The following R3HDM2 variants were observed in gnomAD, a reference collection of about 807,000 sequenced individuals.
R3HDM2 encodes R3H domain-containing protein 2.
R3HDM2 carries 38 observed loss-of-function variants against 124.5 expected under a neutral mutation model. The observed-to-expected ratio is 0.31, with a 90% CI of 0.24 to 0.40. The LOEUF is 0.40. Among genes scored for constraint, R3HDM2 ranks in the 10% least tolerant of loss-of-function variants. The probability of loss-of-function intolerance (pLI) is 1.00; values close to 1 mark genes in which losing one functional copy is unlikely to be tolerated. For synonymous variants in R3HDM2, 391 were observed against 448.0 expected, an observed-to-expected ratio of 0.87 and a Z score of 1.61; for missense variants, 869 against 1,236.9, an observed-to-expected ratio of 0.70 and a Z score of 4.46.
At position 57,269,453 on chromosome 12, in the gene R3HDM2, T is replaced by C. The variant is rs779611640; in HGVS notation, c.1588-4A>G. On this transcript the variant is annotated splice_polypyrimidine_tract_variant and splice_region_variant and intron_variant, in intron 15 of 23. Coordinates refer to ENST00000402412, the MANE Select transcript of R3HDM2 (RefSeq NM_001394031.1). The stretch of plus-strand genomic sequence containing the variant: ...GGGGATAGTAAGAAACCTGGATCTA[T>C]GGTGAGAGGAGACAGATGTGTGAGA... 2 of 1,613,890 alleles carry C rather than the reference T, an allele frequency of 1.2e-6. No homozygotes were observed. Among genetic ancestry groups the C allele is most frequent in the Non-Finnish European group, 1.7e-6 (2 of 1,179,930 alleles).
chr12:57,318,015 C>T (rs1490191919), intron 2 of R3HDM2, among the ~76,000 whole-genome samples: 1 of 146,952 alleles, frequency 6.8e-6, no homozygotes, highest in Admixed American at 6.8e-5. Context: ...AATGGCTGGG[C>T]GAGGTGGCTC....
At chr12:57,315,614 A>G (rs1376478733) in intron 2 of R3HDM2, among the ~76,000 whole-genome samples, 3 of 152,240 alleles carry the variant, frequency 2.0e-5, no homozygotes, top group Non-Finnish European at 4.4e-5. Flanking sequence ...ACCTGGAATA[A>G]TATCAGTGTC....
At chr12:57,345,593 G>T (rs898362837) in intron 2 of R3HDM2, among the ~76,000 whole-genome samples, 2 of 151,780 alleles carry the variant, frequency 1.3e-5, no homozygotes, top group African/African-American at 4.8e-5. Flanking sequence ...GAGTGCAGTG[G>T]CAGGATTGCA....
At position 57,254,391 on chromosome 12, in the gene R3HDM2, C is replaced by T. The variant is rs1424222749; in HGVS notation, c.*382G>A. The T allele has an allele frequency of 1.3e-5, 5 of 375,000 alleles. No individual in the cohort carries two copies. Among genetic ancestry groups the T allele is most frequent in the African/African-American group, 8.8e-5 (4 of 45,312 alleles). The allele number at this position is 375,000 out of a possible 1,614,324, so 23.2% of individuals were successfully genotyped here. A position where few individuals can be genotyped will look rare whatever the true frequency, so the allele number is the denominator to read the frequency against. Reference sequence around the variant, plus strand: ...TGGCGCGTGTCTGTAGTGCCAGCTACTTGGGAGGCTGAGGCAGGAGAATCA... The same window carrying T: ...TGGCGCGTGTCTGTAGTGCCAGCTATTTGGGAGGCTGAGGCAGGAGAATCA... On this transcript the variant is annotated 3_prime_UTR_variant, in exon 24 of 24. Coordinates refer to ENST00000402412, the MANE Select transcript of R3HDM2 (RefSeq NM_001394031.1).
intron 2 of R3HDM2, among the ~76,000 whole-genome samples, chr12:57,382,829 C>A (rs2065101890): frequency 6.6e-6 from 1 of 151,530 alleles, no homozygotes. Flanking sequence ...GAGAGAGACT[C>A]CATCTCAAAA....
chr12:57,344,006 A>T (rs565103587), intron 2 of R3HDM2, among the ~76,000 whole-genome samples: 1 of 152,188 alleles, frequency 6.6e-6, no homozygotes. Flanking sequence ...ACATAAAAAG[A>T]ATTTGCAAAA....
chr12:57,304,668 G>T, intron 3 of R3HDM2: 1 of 265,832 alleles, frequency 3.8e-6, no homozygotes, highest in Non-Finnish European at 5.8e-6. Context: ...AGCAGTATTT[G>T]TCACTACTTT....
intron 2 of R3HDM2, among the ~76,000 whole-genome samples, chr12:57,371,489 TAAG>T (rs1453470871): frequency 1.3e-5 from 2 of 152,082 alleles, no homozygotes; most frequent in East Asian, 3.8e-4. Context: ...TGTAGTAAGA[TAAG>T]AAGACAGGCA....
At chr12:57,381,643 TAAAC>T (rs2064897171) in intron 2 of R3HDM2, among the ~76,000 whole-genome samples, 1 of 151,856 alleles carries the variant, frequency 6.6e-6, no homozygotes, top group African/African-American at 2.4e-5. Context: ...ATTCTAGAAT[TAAAC>T]AATATAACTT....
In R3HDM2 at chr12:57,408,740, T is replaced by C. The variant is rs1434900625; in HGVS notation, c.-105-12922A>G. On this transcript the variant is annotated intron_variant, in intron 1 of 23. Transcript: ENST00000402412. Reference sequence around the variant, plus strand: ...ATAAAAGAGCAAATCTCAAAAAATATATATATATTTGAAATATGATGATCC... The same window carrying C: ...ATAAAAGAGCAAATCTCAAAAAATACATATATATTTGAAATATGATGATCC... Among the ~76,000 whole-genome samples, 10 of 152,142 alleles carry C rather than the reference T, an allele frequency of 6.6e-5. No individual in the cohort carries two copies. In the South Asian group the frequency reaches 1.0e-3, roughly 16 times the overall value.
At chr12:57,268,691 C>A in intron 17 of R3HDM2, 2 of 689,420 alleles carry the variant, frequency 2.9e-6, no homozygotes, top group East Asian at 5.5e-5. Context: ...TTTCCTTTAG[C>A]CACTACTTTC....
At chr12:57,404,696 C>G (rs2068366147) in intron 1 of R3HDM2, among the ~76,000 whole-genome samples, 1 of 151,810 alleles carries the variant, frequency 6.6e-6, no homozygotes, top group Admixed American at 6.6e-5. Context: ...GAGACTCTGT[C>G]TCAAAACAAA....
intron 14 of R3HDM2, among the ~76,000 whole-genome samples, chr12:57,270,821 A>T (rs1471674675): frequency 3.3e-5 from 5 of 152,266 alleles, no homozygotes; most frequent in African/African-American, 9.6e-5. Flanking sequence ...AGCCCGCCTC[A>T]GCCTCCCAAA....
At chr12:57,322,569 C>T (rs1013555526) in intron 2 of R3HDM2, among the ~76,000 whole-genome samples, 2 of 152,212 alleles carry the variant, frequency 1.3e-5, no homozygotes, top group African/African-American at 4.8e-5. Context: ...CACTAAGTGG[C>T]AGAAACAGAC....
At chr12:57,374,513 C>A (rs1382433536) in intron 2 of R3HDM2, among the ~76,000 whole-genome samples, 1 of 151,012 alleles carries the variant, frequency 6.6e-6, no homozygotes, top group African/African-American at 2.4e-5. Flanking sequence ...AAAACCCTGT[C>A]TCTACTAAAA....
intron 2 of R3HDM2, among the ~76,000 whole-genome samples, chr12:57,395,189 C>G (rs1050755703): frequency 2.9e-4 from 42 of 144,666 alleles, no homozygotes; most frequent in Non-Finnish European, 5.1e-4. Flanking sequence ...GGCCACAGGG[C>G]AAGACTCCGT....
intron 2 of R3HDM2, among the ~76,000 whole-genome samples, chr12:57,317,941 T>C (rs187864865): frequency 4.0e-5 from 6 of 149,084 alleles, no homozygotes; most frequent in African/African-American, 1.2e-4. Context: ...GACTGCACCA[T>C]TGCACTCCAG....
chr12:57,426,580 C>T (rs753045102), intron 1 of R3HDM2, among the ~76,000 whole-genome samples: 10 of 152,098 alleles, frequency 6.6e-5, no homozygotes, highest in Non-Finnish European at 1.5e-4. Flanking sequence ...AGAGAAGTAA[C>T]GAGTGATATT....
chr12:57,395,082 C>T lies in R3HDM2; in HGVS notation c.-36+667G>A, dbSNP rs1208463786. On this transcript the variant is annotated intron_variant, in intron 2 of 23. Transcript: ENST00000402412. Reference sequence around the variant, plus strand: ...AAAATTAGCTGGGCATGGTGGTGGGCGCCTGTAATCCCAGCATCTAGGGAG... The same window carrying T: ...AAAATTAGCTGGGCATGGTGGTGGGTGCCTGTAATCCCAGCATCTAGGGAG... Among the ~76,000 whole-genome samples, 5 of 151,818 alleles carry T rather than the reference C, an allele frequency of 3.3e-5. No homozygotes were observed. The South Asian group carries it at 6.2e-4, about 19-fold the overall frequency.
Sources: allele counts gnomAD v4.1 joint callset (sites outside exome capture counted in the v4.1 genomes callset), GRCh38; gene constraint gnomAD v4.1.1; transcripts MANE v1.5; gene names NCBI Gene and HGNC (gene_info 2026-07-23, HGNC 2026-07-21).